Variants in AP2B1 observed in about 807,000 individuals in gnomAD.
AP2B1 encodes the protein AP-2 complex subunit beta.
Under a neutral mutation model 102.0 loss-of-function variants are expected in AP2B1, and 23 were observed. That is an observed-to-expected ratio of 0.23 (90% CI 0.16 to 0.32). The LOEUF (loss-of-function observed/expected upper bound fraction) is 0.32, where lower values mean the gene tolerates loss of function less well. AP2B1 is among the 10% of genes least tolerant of loss of function. The pLI, the probability that AP2B1 is intolerant of heterozygous loss-of-function variation, is 1.00. For synonymous variants in AP2B1, 381 were observed against 421.2 expected, an observed-to-expected ratio of 0.90 and a Z score of 1.17; for missense variants, 541 against 1,157.4, an observed-to-expected ratio of 0.47 and a Z score of 7.73.
At chr17:35,606,396 T>C (rs1315885266) in intron 4 of AP2B1, among the ~76,000 whole-genome samples, 1 of 151,874 alleles carries the variant, frequency 6.6e-6, no homozygotes, top group Non-Finnish European at 1.5e-5. Context: ...ACCGTCACCA[T>C]GCCCAGCTTA....
In AP2B1 at chr17:35,611,356, C is replaced by T. The variant is rs143467501; in HGVS notation, c.525+2969C>T. Among the ~76,000 whole-genome samples, 156 of 152,210 alleles carry T rather than the reference C, an allele frequency of 1.0e-3. 1 individual carries two copies. Among genetic ancestry groups the T allele is most frequent in the African/African-American group, 3.1e-3 (129 of 41,530 alleles). ...GGGAAAATGAGTTCTAACTTACAGG[C>T]GACTCCAGTTTGAGGCAGCATCTCT... On this transcript the variant is annotated intron_variant, in intron 5 of 21. Transcript: ENST00000610402.
chr17:35,699,014 CT>C (rs1412973024), intron 18 of AP2B1, among the ~76,000 whole-genome samples: 1 of 152,138 alleles, frequency 6.6e-6, no homozygotes, highest in Admixed American at 6.5e-5. Context: ...AATTTATGGT[CT>C]AAATTATTTG....
At position 35,624,541 on chromosome 17, in the gene AP2B1, G is replaced by T; in HGVS notation, c.670G>T (p.Asp224Tyr). The T allele has an allele frequency of 6.2e-7, 1 of 1,614,154 alleles. No individual in the cohort carries two copies. The highest frequency in any genetic ancestry group is 8.5e-7 in the Non-Finnish European group (1 of 1,180,006). ...TGAATGGGGCCAGATTTTCATCCTG[G>T]ACTGCCTGTCTAATTACAACCCTAA... ...CTEWGQIFIL[D>Y]CLSNYNPKDD... is the part of the protein sequence containing the mutation. Residue 224 changes from aspartate (D) to tyrosine (Y), a missense_variant, in exon 6 of 22, where the codon GAC becomes TAC. Physicochemically the swap from Asp to Tyr is radical, Grantham distance 160. Coordinates refer to ENST00000610402, the MANE Select transcript of AP2B1 (RefSeq NM_001030006.2).
intron 14 of AP2B1, among the ~76,000 whole-genome samples, chr17:35,660,524 C>T (rs2075336329): frequency 7.2e-6 from 1 of 138,662 alleles, no homozygotes; most frequent in Non-Finnish European, 1.5e-5. Flanking sequence ...ACTCTTGTTG[C>T]CCAGGCTGGA....
chr17:35,670,939 C>T (rs1000798044), intron 15 of AP2B1, 41 bp downstream of exon 15: 2 of 1,607,206 alleles, frequency 1.2e-6, no homozygotes, highest in Admixed American at 1.7e-5. Context: ...AAGCACTGCC[C>T]CCTGTTTGAT....
At chr17:35,627,350 T>C in intron 7 of AP2B1, 35 bp from the exon 8 acceptor site, 1 of 1,551,392 alleles carries the variant, frequency 6.4e-7, no homozygotes, top group Non-Finnish European at 8.7e-7. Context: ...AGTATATGCC[T>C]TCACCTTCCT....
At chr17:35,608,428 A>C in intron 5 of AP2B1, 41 bp downstream of exon 5, 1 of 1,609,972 alleles carries the variant, frequency 6.2e-7, no homozygotes, top group Non-Finnish European at 8.5e-7. Context: ...AGTATTTAAA[A>C]TGAGTCCCTT....
At chr17:35,607,911 C>T (rs879925094) in intron 4 of AP2B1, 3 of 516,700 alleles carry the variant, frequency 5.8e-6, no homozygotes, top group Non-Finnish European at 1.0e-5. Flanking sequence ...TCCTGCTGAG[C>T]TGTTTCTCAT....
intron 3 of AP2B1, chr17:35,601,137 TG>T: frequency 3.3e-6 from 1 of 304,174 alleles, no homozygotes; most frequent in Admixed American, 6.5e-5. Flanking sequence ...AAATTGAGTT[TG>T]GTAGGTAGGT....
chr17:35,600,773 G>A (rs77577973), intron 3 of AP2B1, among the ~76,000 whole-genome samples: 4,910 of 152,116 alleles, frequency 0.032, 98 homozygotes, highest in Middle Eastern at 0.054. Flanking sequence ...AATATCAATA[G>A]GTATATAACC....
chr17:35,719,849 T>A (rs1555591891), intron 21 of AP2B1, among the ~76,000 whole-genome samples: 2 of 152,120 alleles, frequency 1.3e-5, no homozygotes. Context: ...ATATTTTTTT[T>A]AAAGAAATAC....
chr17:35,709,112 T>G, intron 18 of AP2B1, 112 bp from the exon 19 acceptor site: 2 of 885,658 alleles, frequency 2.3e-6, no homozygotes, highest in Admixed American at 3.9e-5. Context: ...AGACCTGCAC[T>G]GAGAGAAAGA....
intron 18 of AP2B1, among the ~76,000 whole-genome samples, chr17:35,683,032 C>A (rs1390078068): frequency 1.3e-5 from 2 of 152,064 alleles, no homozygotes; most frequent in South Asian, 2.1e-4. Flanking sequence ...CACAAGCCAC[C>A]ACGCCTGGCT....
At chr17:35,601,778 CTT>C (rs202210134) in intron 3 of AP2B1, among the ~76,000 whole-genome samples, 34 of 139,952 alleles carry the variant, frequency 2.4e-4, no homozygotes, top group Non-Finnish European at 1.6e-4. Context: ...TGTCATAACT[CTT>C]TTTTTTTTTT....
At chr17:35,713,237 G>A (rs991859922) in intron 20 of AP2B1, among the ~76,000 whole-genome samples, 5 of 152,204 alleles carry the variant, frequency 3.3e-5, no homozygotes, top group African/African-American at 4.8e-5. Flanking sequence ...TGCTGTAGGT[G>A]CTCCAAATAC....
intron 2 of AP2B1, among the ~76,000 whole-genome samples, chr17:35,594,576 A>AT (rs980201924): frequency 6.6e-6 from 1 of 152,174 alleles, no homozygotes; most frequent in East Asian, 1.9e-4. Flanking sequence ...ATGATTTAAA[A>AT]TTTTTTTATC....
At chr17:35,679,718 G>T (rs142928704) in intron 17 of AP2B1, among the ~76,000 whole-genome samples, 2,665 of 152,090 alleles carry the variant, frequency 0.018, 51 homozygotes, top group African/African-American at 0.049. Flanking sequence ...TCCCAATATT[G>T]ACTTAATGAC....
At chr17:35,596,053 A>T (rs898019557) in intron 2 of AP2B1, among the ~76,000 whole-genome samples, 1 of 152,036 alleles carries the variant, frequency 6.6e-6, no homozygotes, top group Admixed American at 6.6e-5. Flanking sequence ...CATCATACTT[A>T]AAAAAAATTG....
intron 18 of AP2B1, among the ~76,000 whole-genome samples, chr17:35,703,229 C>T (rs587732852): frequency 7.3e-6 from 1 of 136,078 alleles, no homozygotes; most frequent in East Asian, 2.3e-4. Flanking sequence ...TGCGCCACTG[C>T]ACTCCAGCCT....
Sources: allele counts gnomAD v4.1 joint callset (sites outside exome capture counted in the v4.1 genomes callset), GRCh38; gene constraint gnomAD v4.1.1; transcripts MANE v1.5; gene names NCBI Gene and HGNC (gene_info 2026-07-23, HGNC 2026-07-21).